ALLC: variants seen among roughly 807,000 people sequenced by gnomAD.
The protein encoded by ALLC is allantoicase.
A neutral mutation model predicts 45.0 loss-of-function variants in ALLC; 40 were observed. That is an observed-to-expected ratio of 0.89 (90% CI 0.69 to 1.16). ALLC has a LOEUF of 1.16. ALLC is among the 50% of genes most tolerant of loss of function. The pLI is 0.00. For synonymous variants in ALLC, 176 were observed against 178.1 expected (o/e 0.99, Z 0.09); for missense variants, 488 against 493.1 (o/e 0.99, Z 0.10).
intron 1 of ALLC, among the ~76,000 whole-genome samples, chr2:3,669,509 G>A (rs565633714): frequency 7.3e-5 from 11 of 151,646 alleles, no homozygotes; most frequent in Admixed American, 1.3e-4. Flanking sequence ...TTAGCCGGGC[G>A]TGGTGGCAGG....
chr2:3,697,623 C>CTGTT (rs1288130875), intron 10 of ALLC, among the ~76,000 whole-genome samples, 167 bp downstream of exon 10: 13 of 92,376 alleles, frequency 1.4e-4, no homozygotes, highest in African/African-American at 5.0e-4. Flanking sequence ...GTCTGTCTGT[C>CTGTT]TATCTATCTA....
chr2:3,653,225 T>G (rs1013456183), upstream of ALLC, among the ~76,000 whole-genome samples: 1 of 152,174 alleles, frequency 6.6e-6, no homozygotes, highest in Non-Finnish European at 1.5e-5. This position sits in a 1 kb window ranked among gnomAD's most constrained non-coding sequence, Gnocchi z 4.1. Context: ...AAGTTGGTCA[T>G]GAGGTGAGCC....
At chr2:3,687,291 C>G (rs1275115188) in intron 7 of ALLC, among the ~76,000 whole-genome samples, 1 of 151,046 alleles carries the variant, frequency 6.6e-6, no homozygotes, top group Non-Finnish European at 1.5e-5. Flanking sequence ...ATGAATTCCA[C>G]TTGATCATGG....
Position 3,678,465 on chromosome 2 carries a change from T to C in ALLC, c.85-3T>C, listed in dbSNP as rs895286584. The C allele has an allele frequency of 1.2e-6, 2 of 1,613,254 alleles. No individual in the cohort carries two copies. Among genetic ancestry groups the C allele is most frequent in the Admixed American group, 3.3e-5 (2 of 60,022 alleles). On this transcript the variant is annotated splice_polypyrimidine_tract_variant and splice_region_variant and intron_variant, in intron 3 of 11. Coordinates refer to ENST00000252505, the MANE Select transcript of ALLC (RefSeq NM_018436.4). ...GATCACCTTGTTGTGGTCTTTGCCC[T>C]AGAGTGACAGCCCGTGCTTCAAAGA...
At chr2:3,676,140 G>C (rs1345225951) in intron 3 of ALLC, among the ~76,000 whole-genome samples, 3 of 152,220 alleles carry the variant, frequency 2.0e-5, no homozygotes, top group Non-Finnish European at 4.4e-5. Flanking sequence ...TTTGGTGGGG[G>C]ACAAACATTC....
intron 6 of ALLC, among the ~76,000 whole-genome samples, chr2:3,682,670 C>T (rs917838182): frequency 7.9e-5 from 12 of 152,088 alleles, no homozygotes; most frequent in East Asian, 5.8e-4. Context: ...GGACTACAGG[C>T]GCCCGCCACC....
intron 1 of ALLC, among the ~76,000 whole-genome samples, chr2:3,659,730 A>G (rs1666524068): frequency 6.6e-6 from 1 of 152,184 alleles, no homozygotes; most frequent in Non-Finnish European, 1.5e-5. Flanking sequence ...TGTGACCTCC[A>G]CCAGGGCTGA....
chr2:3,650,690 G>A, the ALLC span, among the ~76,000 whole-genome samples: 1 of 152,182 alleles, frequency 6.6e-6, no homozygotes, highest in Non-Finnish European at 1.5e-5. Context: ...ATACAGGCGA[G>A]GAGCTTGGGT....
chr2:3,671,595 A>G (rs111913067), intron 2 of ALLC, among the ~76,000 whole-genome samples: 8,840 of 81,582 alleles, frequency 0.11, 231 homozygotes, highest in African/African-American at 0.16. Context: ...CTCTGGCTCT[A>G]GTTAGATGGG....
the ALLC span, among the ~76,000 whole-genome samples, chr2:3,650,544 C>T: frequency 1.2e-5 from 1 of 80,968 alleles, no homozygotes; most frequent in African/African-American, 5.7e-5. Context: ...CCTTGAAGCC[C>T]CTCGGCCCGG....
intron 6 of ALLC, among the ~76,000 whole-genome samples, 165 bp from the exon 7 acceptor site, chr2:3,682,777 G>A (rs566601107): frequency 1.4e-4 from 22 of 152,216 alleles, no homozygotes; most frequent in Admixed American, 2.6e-4. Flanking sequence ...CGCCCGCCTC[G>A]GCCTCCCAAG....
At chr2:3,688,052 T>TA (rs1466952802) in intron 7 of ALLC, 11 of 153,948 alleles carry the variant, frequency 7.1e-5, no homozygotes, top group Admixed American at 6.6e-4. Flanking sequence ...TTCATTGTCA[T>TA]ACCAGGGAAT....
rs767452065 is a variant in ALLC, at chr2:3,672,564, TG to T, written c.33+1377del. Among the ~76,000 whole-genome samples, 69 of 99,264 alleles carry T rather than the reference TG, an allele frequency of 7.0e-4. 4 individuals carry two copies. The highest frequency in any genetic ancestry group is 2.9e-3 in the African/African-American group (64 of 21,910). The allele number at this position is 99,264 out of a possible 152,430, so 65.1% of individuals were successfully genotyped here. ...AGGAGGTCCTCTGGTTCTGGTTAGA[TG>T]GGAGGTCCCCTGGCTCTGGTTAGAT... On this transcript the variant is annotated intron_variant, in intron 2 of 11. Coordinates refer to ENST00000252505, the MANE Select transcript of ALLC (RefSeq NM_018436.4).
At chr2:3,656,828 AGAGGTCAGGGTGTG>A (rs1193881448), upstream of ALLC, among the ~76,000 whole-genome samples, 1 of 146,092 alleles carries the variant, frequency 6.8e-6, no homozygotes. Context: ...TGTGGAGGGC[AGAGGTCAGGGTGTG>A]GAGGGCAGGG....
chr2:3,648,586 A>G, the ALLC span, among the ~76,000 whole-genome samples: 1 of 152,110 alleles, frequency 6.6e-6, no homozygotes, highest in Non-Finnish European at 1.5e-5. Context: ...CTCTGCTTCC[A>G]TGTGCGGACT....
intron 1 of ALLC, among the ~76,000 whole-genome samples, chr2:3,667,118 C>T (rs1266410382): frequency 6.6e-6 from 1 of 152,208 alleles, no homozygotes; most frequent in Non-Finnish European, 1.5e-5. Flanking sequence ...CACCCATGGT[C>T]TCCCCTGCCT....
At chr2:3,701,682 T>A (rs752501432) in intron 11 of ALLC, 46 bp downstream of exon 11, 45 of 1,556,582 alleles carry the variant, frequency 2.9e-5, no homozygotes, top group Non-Finnish European at 3.6e-5. Context: ...ACTGTGCTAT[T>A]TCCCTAAGAT....
upstream of ALLC, among the ~76,000 whole-genome samples, chr2:3,657,370 A>C (rs1018843413): frequency 6.6e-6 from 1 of 152,210 alleles, no homozygotes; most frequent in African/African-American, 2.4e-5. Context: ...GGAAGGAAAA[A>C]GGAGCGTGTG....
the ALLC span, among the ~76,000 whole-genome samples, chr2:3,649,883 T>G: frequency 6.6e-6 from 1 of 152,370 alleles, no homozygotes. Context: ...CCAGCTGGGA[T>G]TCAGTGTTTT....
Sources: gnomAD v4.1 joint callset for allele counts (sites outside exome capture counted in the v4.1 genomes callset) on GRCh38, gnomAD v4.1.1 for gene constraint, Gnocchi (gnomAD v3.1) non-coding constraint, MANE v1.5 for transcripts, NCBI Gene and HGNC (gene_info 2026-07-23, HGNC 2026-07-21) for gene names.